Variants in AGBL4 observed in about 807,000 individuals in gnomAD.
AGBL4 encodes cytosolic carboxypeptidase 6.
In AGBL4, 58 loss-of-function variants were observed where a neutral mutation model predicts 66.4. That is an observed-to-expected ratio of 0.87 (90% CI 0.71 to 1.09). The LOEUF (loss-of-function observed/expected upper bound fraction) is 1.09, where lower values mean the gene tolerates loss of function less well. Ranked by LOEUF, AGBL4 falls within the 50% of genes least tolerant of loss-of-function variation. The pLI is 0.00. For missense variants in AGBL4, 579 were observed against 631.0 expected (o/e 0.92, Z 0.88); for synonymous variants, 234 against 222.9 (o/e 1.05, Z -0.44).
intron 5 of AGBL4, among the ~76,000 whole-genome samples, chr1:49,009,582 G>C (rs1427506262): frequency 2.0e-5 from 3 of 152,006 alleles, no homozygotes; most frequent in Non-Finnish European, 4.4e-5. Context: ...CCAAAAAAGA[G>C]AATTTTAGAC....
At chr1:49,259,955 G>C (rs896628629) in intron 3 of AGBL4, among the ~76,000 whole-genome samples, 1 of 149,460 alleles carries the variant, frequency 6.7e-6, no homozygotes, top group Admixed American at 6.8e-5. Context: ...ATAACAAACT[G>C]TCTCTCAGAC....
intron 6 of AGBL4, among the ~76,000 whole-genome samples, chr1:48,701,909 AC>A (rs967971032): frequency 4.5e-4 from 69 of 152,222 alleles, no homozygotes; most frequent in African/African-American, 1.6e-3. Flanking sequence ...ACATAAAATT[AC>A]CCTTCATTGA....
rs571849516 is a variant in AGBL4, at chr1:50,005,552, C to T, written c.34+18211G>A. ...AAGGACAAGAATAAACAAGCTCAGACTGCAAAGACTACAATAAATACCTAA... is the reference window on the plus strand; with the variant it reads ...AAGGACAAGAATAAACAAGCTCAGATTGCAAAGACTACAATAAATACCTAA... On this transcript the variant is annotated intron_variant, in intron 1 of 13. Coordinates refer to ENST00000371839, the MANE Select transcript of AGBL4 (RefSeq NM_032785.4). Among the ~76,000 whole-genome samples, 128 of 152,300 alleles carry T rather than the reference C, an allele frequency of 8.4e-4. 1 individual carries two copies. The highest frequency in any genetic ancestry group is 2.0e-3 in the Admixed American group (30 of 15,308).
intron 1 of AGBL4, among the ~76,000 whole-genome samples, chr1:49,980,215 T>G (rs1184930591): frequency 6.6e-6 from 1 of 152,016 alleles, no homozygotes; most frequent in Non-Finnish European, 1.5e-5. Context: ...TGTTCAAGGG[T>G]CAATCACATA....
chr1:48,616,081 G>T lies in AGBL4; in HGVS notation c.951+18412C>A, dbSNP rs1645313461. Among the ~76,000 whole-genome samples, 5 of 152,284 alleles carry T rather than the reference G, an allele frequency of 3.3e-5. No individual in the cohort carries two copies. The South Asian group carries it at 1.0e-3, about 32-fold the overall frequency. ...CACCTCTCAATACAATTGCACTGGGGATTCAGTTTCAGCATATGGATTTTG... is the reference window on the plus strand; with the variant it reads ...CACCTCTCAATACAATTGCACTGGGTATTCAGTTTCAGCATATGGATTTTG... On this transcript the variant is annotated intron_variant, in intron 9 of 13. Coordinates refer to ENST00000371839, the MANE Select transcript of AGBL4 (RefSeq NM_032785.4).
chr1:48,616,816 T>C (rs1001759709), intron 9 of AGBL4, among the ~76,000 whole-genome samples: 1 of 152,256 alleles, frequency 6.6e-6, no homozygotes, highest in Non-Finnish European at 1.5e-5. Flanking sequence ...TTTCCAACTT[T>C]AAAGGAGGCC....
At chr1:49,136,021 T>C (rs1214481793) in intron 4 of AGBL4, among the ~76,000 whole-genome samples, 1 of 152,188 alleles carries the variant, frequency 6.6e-6, no homozygotes, top group East Asian at 1.9e-4. Flanking sequence ...TCAGTCAATA[T>C]ATACTACTAT....
intron 1 of AGBL4, among the ~76,000 whole-genome samples, chr1:49,940,130 T>C (rs1478690252): frequency 6.6e-5 from 10 of 152,222 alleles, no homozygotes; most frequent in Non-Finnish European, 1.2e-4. Flanking sequence ...ATCAGAGAAA[T>C]GCAAATCAAA....
intron 3 of AGBL4, among the ~76,000 whole-genome samples, chr1:49,485,851 G>C (rs1647055362): frequency 6.6e-6 from 1 of 151,882 alleles, no homozygotes; most frequent in Non-Finnish European, 1.5e-5. Flanking sequence ...AGGGGATGTA[G>C]AGAGCCTTAA....
chr1:49,907,063 C>T (rs758572246), intron 1 of AGBL4, among the ~76,000 whole-genome samples: 4 of 151,982 alleles, frequency 2.6e-5, no homozygotes, highest in African/African-American at 9.7e-5. Flanking sequence ...CTGACCATGC[C>T]GAAGCTTTTC....
intron 2 of AGBL4, among the ~76,000 whole-genome samples, chr1:49,749,864 A>G (rs1651311626): frequency 6.6e-6 from 1 of 152,156 alleles, no homozygotes; most frequent in African/African-American, 2.4e-5. Context: ...TCTACATCGT[A>G]TATGAAAATG....
intron 5 of AGBL4, among the ~76,000 whole-genome samples, chr1:48,915,397 A>G (rs28408548): frequency 0.08 from 12,160 of 152,208 alleles, 666 homozygotes; most frequent in East Asian, 0.17. Flanking sequence ...AGTTAATTAC[A>G]TAGTTATTTG....
At chr1:49,989,787 G>C (rs1023739188) in intron 1 of AGBL4, among the ~76,000 whole-genome samples, 20 of 152,122 alleles carry the variant, frequency 1.3e-4, no homozygotes, top group African/African-American at 4.8e-4. Context: ...ATGCTGAAAT[G>C]CTCCAGAAAT....
intron 3 of AGBL4, among the ~76,000 whole-genome samples, chr1:49,261,456 CAA>C (rs1183234145): frequency 6.6e-6 from 1 of 152,010 alleles, no homozygotes; most frequent in African/African-American, 2.4e-5. Flanking sequence ...GCAACTTCAG[CAA>C]AGTCTCAGGA....
intron 6 of AGBL4, among the ~76,000 whole-genome samples, chr1:48,834,670 A>G (rs1224947701): frequency 1.3e-5 from 2 of 152,228 alleles, no homozygotes; most frequent in Admixed American, 6.5e-5. Flanking sequence ...TGGACTTTCC[A>G]GCCTCCAGAA....
chr1:48,933,948 C>G (rs1655245407), intron 5 of AGBL4, among the ~76,000 whole-genome samples: 1 of 152,172 alleles, frequency 6.6e-6, no homozygotes, highest in South Asian at 2.1e-4. Flanking sequence ...CCCCTTGCTG[C>G]TTTCTTAGCA....
In AGBL4 at chr1:49,841,796, T is replaced by C. The variant is rs551173956; in HGVS notation, c.157+9600A>G. 8.4e-4 allele frequency: 284 copies of C among 337,994 alleles called. 4 individuals carry two copies. Among genetic ancestry groups the C allele is most frequent in the South Asian group, 5.7e-3 (166 of 28,942 alleles). The allele number at this position is 337,994 out of a possible 1,614,324, so 20.9% of individuals were successfully genotyped here. On this transcript the variant is annotated intron_variant, in intron 2 of 13. Transcript: ENST00000371839. ...TCAGAAAATTTGCAGTCTGACAATG[T>C]GATAAAAAAAAAAAAAAATCCCACC...
intron 3 of AGBL4, among the ~76,000 whole-genome samples, chr1:49,282,830 C>T (rs992286618): frequency 6.6e-6 from 1 of 152,184 alleles, no homozygotes; most frequent in Non-Finnish European, 1.5e-5. Context: ...AAAAACGGCG[C>T]ACCAAGAGAT....
chr1:48,739,576 T>C (rs1649594975), intron 6 of AGBL4, among the ~76,000 whole-genome samples: 1 of 152,210 alleles, frequency 6.6e-6, no homozygotes, highest in South Asian at 2.1e-4. Flanking sequence ...GGTGTAAATC[T>C]CAGCTATTCT....
Sources: gnomAD v4.1 joint callset for allele counts (sites outside exome capture counted in the v4.1 genomes callset) on GRCh38, gnomAD v4.1.1 for gene constraint, MANE v1.5 for transcripts, NCBI Gene and HGNC (gene_info 2026-07-23, HGNC 2026-07-21) for gene names.